CAST: variants seen among roughly 807,000 people sequenced by gnomAD.
The protein encoded by CAST is MIR583 host.
Under a neutral mutation model 119.6 loss-of-function variants are expected in CAST, and 76 were observed. That is an observed-to-expected ratio of 0.64 (90% CI 0.53 to 0.77). CAST has a LOEUF of 0.77. Ranked by LOEUF, CAST falls within the 30% of genes least tolerant of loss-of-function variation. The probability of loss-of-function intolerance (pLI) is 0.00; values close to 1 mark genes in which losing one functional copy is unlikely to be tolerated. For missense variants in CAST, 953 were observed against 946.5 expected, an observed-to-expected ratio of 1.01 and a Z score of -0.09; for synonymous variants, 319 against 331.6, an observed-to-expected ratio of 0.96 and a Z score of 0.41.
At chr5:96,199,769 G>C in the CAST span, among the ~76,000 whole-genome samples, 1 of 152,106 alleles carries the variant, frequency 6.6e-6, no homozygotes, top group African/African-American at 2.4e-5. Flanking sequence ...AGCAGGGATG[G>C]GATGGGGTCA....
the CAST span, among the ~76,000 whole-genome samples, chr5:96,290,364 G>C: frequency 6.6e-6 from 1 of 152,156 alleles, no homozygotes; most frequent in African/African-American, 2.4e-5. Context: ...TAAGTTAGTT[G>C]ACAATTTTCA....
chr5:96,605,516 C>A (rs895654651), intron 1 of CAST, among the ~76,000 whole-genome samples: 1 of 152,096 alleles, frequency 6.6e-6, no homozygotes, highest in Non-Finnish European at 1.5e-5. Context: ...TCCCTTTTAC[C>A]CTAAGAGACA....
At chr5:96,527,216 A>T (rs1280300421), upstream of CAST, among the ~76,000 whole-genome samples, 2 of 152,170 alleles carry the variant, frequency 1.3e-5, no homozygotes, top group East Asian at 1.9e-4. Context: ...TTACATTATC[A>T]AGGTGAGATT....
the CAST span, among the ~76,000 whole-genome samples, chr5:96,366,723 A>G: frequency 4.6e-5 from 7 of 152,072 alleles, no homozygotes; most frequent in Admixed American, 4.6e-4. Context: ...CTAGTTAGCC[A>G]CTCACCTAAT....
the CAST span, among the ~76,000 whole-genome samples, chr5:96,165,669 G>A: frequency 3.1e-3 from 478 of 152,070 alleles, 1 homozygote; most frequent in Non-Finnish European, 3.8e-3. Context: ...TTTTTGCCAG[G>A]CTTCTATATT....
the CAST span, among the ~76,000 whole-genome samples, chr5:96,451,646 A>T: frequency 2.6e-5 from 4 of 152,244 alleles, no homozygotes; most frequent in African/African-American, 9.6e-5. Context: ...GACAAATGGG[A>T]TCTAATTCAA....
the CAST span, among the ~76,000 whole-genome samples, chr5:96,214,272 A>G: frequency 6.6e-6 from 1 of 152,312 alleles, no homozygotes; most frequent in Non-Finnish European, 1.5e-5. Flanking sequence ...ATGGCAATCT[A>G]TTTATAAGCC....
At chr5:96,720,598 G>A (rs1162858107) in intron 3 of CAST, among the ~76,000 whole-genome samples, 1 of 152,230 alleles carries the variant, frequency 6.6e-6, no homozygotes, top group Non-Finnish European at 1.5e-5. Flanking sequence ...GCTGCCAACA[G>A]GGGCCAAGGC....
the CAST span, among the ~76,000 whole-genome samples, chr5:96,271,465 ATTTT>A: frequency 1.3e-5 from 2 of 152,174 alleles, no homozygotes; most frequent in Non-Finnish European, 2.9e-5. Flanking sequence ...CAGCCAACTC[ATTTT>A]TGACAAAGGC....
chr5:96,264,707 C>T, the CAST span, among the ~76,000 whole-genome samples: 1 of 152,218 alleles, frequency 6.6e-6, no homozygotes, highest in Non-Finnish European at 1.5e-5. Context: ...TTCCTCTTTG[C>T]ACCTTCGTGA....
At chr5:95,983,166 A>C in the CAST span, among the ~76,000 whole-genome samples, 1 of 152,240 alleles carries the variant, frequency 6.6e-6, no homozygotes, top group Non-Finnish European at 1.5e-5. Context: ...AATAAAATTA[A>C]TAAGAACAAC....
the CAST span, among the ~76,000 whole-genome samples, chr5:96,349,929 C>A: frequency 6.6e-6 from 1 of 152,102 alleles, no homozygotes; most frequent in African/African-American, 2.4e-5. Context: ...CTAATCTACA[C>A]AAATGACCAG....
the CAST span, among the ~76,000 whole-genome samples, chr5:96,332,032 G>T: frequency 6.6e-6 from 1 of 152,164 alleles, no homozygotes; most frequent in Non-Finnish European, 1.5e-5. Context: ...GCCCCTCATG[G>T]CTCACCTAAT....
chr5:96,004,788 CAG>C, the CAST span, among the ~76,000 whole-genome samples: 1 of 152,026 alleles, frequency 6.6e-6, no homozygotes, highest in Non-Finnish European at 1.5e-5. Flanking sequence ...ATATAGAAAA[CAG>C]AGAGGAAGAT....
At chr5:96,594,863 C>T (rs978816606) in intron 1 of CAST, among the ~76,000 whole-genome samples, 1 of 152,006 alleles carries the variant, frequency 6.6e-6, no homozygotes, top group African/African-American at 2.4e-5. Context: ...TTACATATAG[C>T]AAGCTCTCAA....
chr5:96,611,121 T>C (rs963044832), intron 1 of CAST, among the ~76,000 whole-genome samples: 23 of 152,136 alleles, frequency 1.5e-4, no homozygotes, highest in African/African-American at 5.6e-4. Context: ...ATTACCAACA[T>C]TATTTTTTCA....
the CAST span, among the ~76,000 whole-genome samples, chr5:96,038,461 T>C: frequency 5.9e-5 from 9 of 152,054 alleles, no homozygotes; most frequent in Non-Finnish European, 1.2e-4. Flanking sequence ...CATGGTAGTT[T>C]GCTGCACCCA....
At chr5:96,255,520 A>G in the CAST span, among the ~76,000 whole-genome samples, 2 of 151,982 alleles carry the variant, frequency 1.3e-5, no homozygotes, top group African/African-American at 2.4e-5. Context: ...AATTATTTAC[A>G]TATTTACTGT....
At chr5:96,650,727 ATT>A (rs1013646478) in intron 1 of CAST, among the ~76,000 whole-genome samples, 1 of 73,104 alleles carries the variant, frequency 1.4e-5, no homozygotes, top group Non-Finnish European at 2.7e-5. Flanking sequence ...TACCCACTTA[ATT>A]GTGTGTGTGT....
Sources: gnomAD v4.1 joint callset for allele counts (sites outside exome capture counted in the v4.1 genomes callset) on GRCh38, gnomAD v4.1.1 for gene constraint, MANE v1.5 for transcripts, NCBI Gene and HGNC (gene_info 2026-07-23, HGNC 2026-07-21) for gene names.